Variants in CLMP observed in about 807,000 individuals in gnomAD.
The protein encoded by CLMP is CXADR like cell adhesion molecule, also known as CXADR-like membrane protein.
CLMP carries 27 observed loss-of-function variants against 45.2 expected under a neutral mutation model. That is an observed-to-expected ratio of 0.60 (90% CI 0.44 to 0.82). The LOEUF is 0.82. CLMP is among the 40% of genes least tolerant of loss of function. The probability of loss-of-function intolerance (pLI) is 0.00; values close to 1 mark genes in which losing one functional copy is unlikely to be tolerated. For missense variants in CLMP, 403 were observed against 448.4 expected (o/e 0.90, Z 0.91); for synonymous variants, 167 against 171.4 (o/e 0.97, Z 0.20).
intron 1 of CLMP, among the ~76,000 whole-genome samples, chr11:123,168,357 C>T (rs1591484915): frequency 6.6e-6 from 1 of 152,228 alleles, no homozygotes; most frequent in Admixed American, 6.5e-5. Context: ...GCTGCCCCCC[C>T]TGGTTCTTCC....
chr11:123,150,023 T>C, intron 1 of CLMP, among the ~76,000 whole-genome samples: 1 of 151,908 alleles, frequency 6.6e-6, no homozygotes, highest in African/African-American at 2.4e-5. Context: ...CAGGCTGGTC[T>C]TGAACTCCTG....
At chr11:123,157,596 A>G (rs988466477) in intron 1 of CLMP, among the ~76,000 whole-genome samples, 6 of 151,828 alleles carry the variant, frequency 4.0e-5, no homozygotes, top group East Asian at 1.9e-4. Context: ...GTAGTTGCCT[A>G]TAATCCCAGC....
At chr11:123,160,961 G>A (rs1288197627) in intron 1 of CLMP, among the ~76,000 whole-genome samples, 1 of 148,638 alleles carries the variant, frequency 6.7e-6, no homozygotes, top group Non-Finnish European at 1.5e-5. Flanking sequence ...CTGGGTGACA[G>A]AGTGAGACCC....
chr11:123,129,917 C>CTT (rs112070510), intron 1 of CLMP, among the ~76,000 whole-genome samples: 41,981 of 145,234 alleles, frequency 0.29, 6,160 homozygotes, highest in Admixed American at 0.34. Flanking sequence ...TCAAAACACA[C>CTT]TTTTTTTTTT....
At chr11:123,118,451 T>G (rs1269589850) in intron 1 of CLMP, among the ~76,000 whole-genome samples, 3 of 152,178 alleles carry the variant, frequency 2.0e-5, no homozygotes, top group Non-Finnish European at 4.4e-5. Context: ...GCAATAAACT[T>G]TAATCTGCTT....
At chr11:123,127,004 T>C (rs1860905594) in intron 1 of CLMP, among the ~76,000 whole-genome samples, 1 of 152,112 alleles carries the variant, frequency 6.6e-6, no homozygotes, top group Admixed American at 6.6e-5. Context: ...AATTTAATTA[T>C]ATTAAATGTG....
chr11:123,105,828 T>G (rs1208443983), intron 1 of CLMP, among the ~76,000 whole-genome samples: 1 of 151,242 alleles, frequency 6.6e-6, no homozygotes, highest in East Asian at 1.9e-4. Context: ...TTTTTGTTTT[T>G]TTTTTTTTGA....
At chr11:123,154,892 C>T (rs894862172) in intron 1 of CLMP, among the ~76,000 whole-genome samples, 3 of 152,060 alleles carry the variant, frequency 2.0e-5, no homozygotes, top group Non-Finnish European at 2.9e-5. Flanking sequence ...GTTTGGTGGT[C>T]AGAACTATTT....
Position 123,145,472 on chromosome 11 carries a change from T to TG in CLMP, c.29-47521_29-47520insC, listed in dbSNP as rs1219848952. 3.7e-3 allele frequency among the ~76,000 whole-genome samples: 549 copies of TG among 147,298 alleles called. 2 individuals carry two copies. Among genetic ancestry groups the TG allele is most frequent in the African/African-American group, 8.0e-3 (317 of 39,788 alleles). On this transcript the variant is annotated intron_variant, in intron 1 of 6. Coordinates refer to ENST00000448775, the MANE Select transcript of CLMP (RefSeq NM_024769.5). ...CGGCTGTTTTTTTTTTTTTTTTTTT[T>TG]TTTTTTTGAGACGGGAGTCTTGCCC...
At chr11:123,131,901 C>G (rs1329282626) in intron 1 of CLMP, among the ~76,000 whole-genome samples, 1 of 152,150 alleles carries the variant, frequency 6.6e-6, no homozygotes, top group Non-Finnish European at 1.5e-5. Flanking sequence ...CAGGCGTGAG[C>G]CACTGCACCT....
intron 1 of CLMP, among the ~76,000 whole-genome samples, chr11:123,167,346 C>T (rs1201449458): frequency 6.6e-6 from 1 of 152,136 alleles, no homozygotes; most frequent in Non-Finnish European, 1.5e-5. Context: ...AACGCAGTGG[C>T]ACGATCTTGG....
intron 5 of CLMP, among the ~76,000 whole-genome samples, chr11:123,082,609 TTG>T (rs1865818657): frequency 7.0e-6 from 1 of 142,268 alleles, no homozygotes; most frequent in Admixed American, 7.3e-5. Context: ...CTGGTTTTTT[TTG>T]TGTGTGTTTT....
chr11:123,148,955 T>C (rs558039518), intron 1 of CLMP, among the ~76,000 whole-genome samples: 1 of 152,318 alleles, frequency 6.6e-6, no homozygotes, highest in Non-Finnish European at 1.5e-5. Flanking sequence ...GTGTCATGGG[T>C]ATATCCTTAC....
chr11:123,117,214 C>T (rs1565387092), intron 1 of CLMP, among the ~76,000 whole-genome samples: 1 of 151,836 alleles, frequency 6.6e-6, no homozygotes. Flanking sequence ...AGTCACTGTG[C>T]ACTAAGGGAT....
At chr11:123,118,949 CTTTCT>C (rs1860757667) in intron 1 of CLMP, among the ~76,000 whole-genome samples, 3 of 22,330 alleles carry the variant, frequency 1.3e-4, no homozygotes, top group African/African-American at 5.1e-4. Flanking sequence ...TTCTTTCTTT[CTTTCT>C]TTCTTTCTTT....
At chr11:123,129,917 C>CT (rs112070510) in intron 1 of CLMP, among the ~76,000 whole-genome samples, 2,509 of 145,410 alleles carry the variant, frequency 0.017, 66 homozygotes, top group African/African-American at 0.057. Context: ...TCAAAACACA[C>CT]TTTTTTTTTT....
At position 123,119,042 on chromosome 11, in the gene CLMP, T is replaced by C. The variant is rs1208273410; in HGVS notation, c.29-21090A>G. 1.3e-3 allele frequency among the ~76,000 whole-genome samples: 47 copies of C among 36,044 alleles called. 3 individuals are homozygous for C. The highest frequency in any genetic ancestry group is 5.2e-3 in the African/African-American group (30 of 5,808). 23.6% of individuals were successfully genotyped at this position (36,044 alleles called of 152,430 possible). A position where few individuals can be genotyped will look rare whatever the true frequency, so the allele number is the denominator to read the frequency against. On this transcript the variant is annotated intron_variant, in intron 1 of 6. Coordinates refer to ENST00000448775, the MANE Select transcript of CLMP (RefSeq NM_024769.5). ...CTCTCTCTCTCTCTCTCTCTCTCTC[T>C]CTCCCTCTCCCTCTCTCTCTCTCTC...
chr11:123,154,589 G>A (rs1365178423), intron 1 of CLMP, among the ~76,000 whole-genome samples: 2 of 152,150 alleles, frequency 1.3e-5, no homozygotes, highest in African/African-American at 4.8e-5. Flanking sequence ...GACACGGCAT[G>A]TCATGTCAAA....
intron 1 of CLMP, among the ~76,000 whole-genome samples, chr11:123,161,403 A>G (rs183347143): frequency 9.9e-4 from 151 of 152,244 alleles, no homozygotes; most frequent in African/African-American, 3.4e-3. Context: ...ATGGTGGCTC[A>G]TGCCTGTAAT....
Sources: allele counts gnomAD v4.1 joint callset (sites outside exome capture counted in the v4.1 genomes callset), GRCh38; gene constraint gnomAD v4.1.1; transcripts MANE v1.5; gene names NCBI Gene and HGNC (gene_info 2026-07-23, HGNC 2026-07-21).